The following ADGRV1 variants were observed in gnomAD, a reference collection of about 807,000 sequenced individuals.
ADGRV1 encodes the protein adhesion G protein-coupled receptor V1.
ADGRV1 carries 359 observed loss-of-function variants against 596.2 expected under a neutral mutation model. The observed-to-expected ratio is 0.60, with a 90% CI of 0.55 to 0.66. The LOEUF is 0.66. ADGRV1 is among the 30% of genes least tolerant of loss of function. The pLI is 0.00. For synonymous variants in ADGRV1, 2,681 were observed against 2,679.2 expected (o/e 1.00, Z -0.02); for missense variants, 7,274 against 7,575.6 (o/e 0.96, Z 1.48).
intron 83 of ADGRV1, among the ~76,000 whole-genome samples, chr5:90,925,865 C>CT (rs1413446582): frequency 7.8e-6 from 1 of 127,794 alleles, no homozygotes; most frequent in Non-Finnish European, 1.7e-5. Context: ...TTGTCAAAGG[C>CT]TTTTTCTGCA....
In ADGRV1 at chr5:90,614,882, A is replaced by G. The variant is rs1763168497; in HGVS notation, c.70A>G (p.Ile24Val). 1 of 1,610,744 alleles carries G rather than the reference A, an allele frequency of 6.2e-7. No homozygotes were observed. ...LLVNLLSALL[I>V]LFVFGETEIR... ...AGTAAATCTTCTTTCAGCTTTACTC[A>G]TCCTATTTGTGTTTGGAGAAACAGA... Residue 24 changes from isoleucine to valine, a missense_variant, in exon 2 of 90, where the codon ATC becomes GTC. By Grantham distance (29) the Ile-to-Val change is conservative. Coordinates refer to ENST00000405460, the MANE Select transcript of ADGRV1 (RefSeq NM_032119.4).
At chr5:90,590,554 G>T (rs1217914383) in intron 1 of ADGRV1, among the ~76,000 whole-genome samples, 9 of 152,152 alleles carry the variant, frequency 5.9e-5, no homozygotes, top group Admixed American at 3.9e-4. Context: ...AGAGGACTGG[G>T]CAGAAACTTC....
At chr5:90,743,573 G>A (rs10452480) in intron 50 of ADGRV1, among the ~76,000 whole-genome samples, 5,102 of 149,520 alleles carry the variant, frequency 0.034, 307 homozygotes, top group African/African-American at 0.12. Flanking sequence ...CTGGGTTCAC[G>A]CCATTCTCCT....
At chr5:90,948,180 G>A (rs913679658) in intron 83 of ADGRV1, among the ~76,000 whole-genome samples, 1 of 152,104 alleles carries the variant, frequency 6.6e-6, no homozygotes, top group Admixed American at 6.6e-5. Context: ...TATTCTGTTA[G>A]TTACTAGGTG....
At chr5:91,113,983 C>G (rs1424764036) in intron 87 of ADGRV1, among the ~76,000 whole-genome samples, 2 of 152,044 alleles carry the variant, frequency 1.3e-5, no homozygotes, top group African/African-American at 4.8e-5. Context: ...CTTTGGGAAG[C>G]CAAGGCAGGC....
chr5:90,810,566 A>T lies in ADGRV1; in HGVS notation c.15306A>T (p.Leu5102Phe), dbSNP rs762179444. The T allele has an allele frequency of 6.2e-7, 1 of 1,613,956 alleles. No homozygotes were observed. Residue 5102 changes from leucine to phenylalanine, a missense_variant, in exon 74 of 90, where the codon TTA becomes TTT. Around this residue, in one of 5 missense-constraint regions of ADGRV1, gnomAD observed 1,874 missense variants for 1,970.2 expected, o/e 0.95. Transcript: ENST00000405460. ...INLTSVEIRG[L>F]QKFDVNWSPR... ...TTACTTCAGTAGAAATTAGGGGATT[A>T]CAAAAGTTTGATGTTAATTGGAGCC...
Position 90,851,134 on chromosome 5 carries a change from T to A in ADGRV1, c.17205-2150T>A, listed in dbSNP as rs3099904. ...GTGTGTGTGTGTGTGTGTGTGTGTG[T>A]GAGAGAGAGAGAGAGAGAGAGAGAG... On this transcript the variant is annotated intron_variant, in intron 79 of 89. Transcript: ENST00000405460. 4.8e-4 allele frequency among the ~76,000 whole-genome samples: 39 copies of A among 81,510 alleles called. 1 individual carries two copies. Among genetic ancestry groups the A allele is most frequent in the African/African-American group, 9.5e-4 (26 of 27,282 alleles). 53.5% of individuals were successfully genotyped at this position (81,510 alleles called of 152,430 possible). A position where few individuals can be genotyped will look rare whatever the true frequency, so the allele number is the denominator to read the frequency against.
intron 83 of ADGRV1, among the ~76,000 whole-genome samples, chr5:90,865,748 A>ATCTCC (rs1768030827): frequency 6.6e-6 from 1 of 152,116 alleles, no homozygotes; most frequent in Admixed American, 6.6e-5. Flanking sequence ...AAGAATAGTT[A>ATCTCC]TCTCCCTTAA....
At chr5:91,005,947 G>A (rs16869333) in intron 85 of ADGRV1, among the ~76,000 whole-genome samples, 21,036 of 151,950 alleles carry the variant, frequency 0.14, 1,967 homozygotes, top group African/African-American at 0.24. Context: ...AAAAAATCCA[G>A]ACTCTTCTAC....
chr5:90,764,378 C>A (rs923945995), intron 59 of ADGRV1, among the ~76,000 whole-genome samples: 1 of 152,174 alleles, frequency 6.6e-6, no homozygotes, highest in Non-Finnish European at 1.5e-5. Context: ...TTCCTGTAAG[C>A]CCAAGTGGCA....
chr5:91,041,713 T>C (rs1438034057), intron 85 of ADGRV1, among the ~76,000 whole-genome samples: 2 of 151,906 alleles, frequency 1.3e-5, no homozygotes, highest in Non-Finnish European at 1.5e-5. Flanking sequence ...AACCAAAACC[T>C]ACTTGAAAGA....
rs530202316 is a variant in ADGRV1 at position 91,130,639 on chromosome 5, A to T, written c.18433-19391A>T. Among the ~76,000 whole-genome samples, 29 of 151,174 alleles carry T rather than the reference A, an allele frequency of 1.9e-4. 1 individual carries two copies. In the South Asian group the frequency reaches 5.8e-3, roughly 30 times the overall value. On this transcript the variant is annotated intron_variant, in intron 87 of 89. Transcript: ENST00000405460. ...GAATGACAGACTCTTTTCATTTTTT[A>T]AATTTTAGATTCAGTGGGTACATGT...
At chr5:91,043,978 T>C (rs958235854) in intron 85 of ADGRV1, among the ~76,000 whole-genome samples, 1 of 152,072 alleles carries the variant, frequency 6.6e-6, no homozygotes, top group Admixed American at 6.6e-5. Flanking sequence ...CTGAGTGAGG[T>C]CTTTTGTATA....
At chr5:90,865,757 A>G (rs891526357) in intron 83 of ADGRV1, among the ~76,000 whole-genome samples, 1 of 152,240 alleles carries the variant, frequency 6.6e-6, no homozygotes, top group Middle Eastern at 3.4e-3. Context: ...TATCTCCCTT[A>G]AAACCTTTTA....
intron 85 of ADGRV1, among the ~76,000 whole-genome samples, chr5:91,055,434 C>T (rs1488973101): frequency 6.6e-6 from 1 of 152,146 alleles, no homozygotes; most frequent in East Asian, 1.9e-4. Flanking sequence ...GACTCCTTAT[C>T]ACATGCTAGG....
intron 67 of ADGRV1, among the ~76,000 whole-genome samples, chr5:90,786,885 C>T (rs770627587): frequency 1.1e-4 from 16 of 152,086 alleles, no homozygotes; most frequent in East Asian, 3.9e-4. Flanking sequence ...GGGCAGCATG[C>T]GACTGTGTGT....
chr5:90,905,685 A>G (rs1772255802), intron 83 of ADGRV1, among the ~76,000 whole-genome samples: 1 of 152,028 alleles, frequency 6.6e-6, no homozygotes. Flanking sequence ...AACAAGGATA[A>G]TTTGACTTCT....
At chr5:90,664,213 A>G (rs1421468028) in intron 21 of ADGRV1, among the ~76,000 whole-genome samples, 2 of 145,774 alleles carry the variant, frequency 1.4e-5, no homozygotes, top group Non-Finnish European at 3.0e-5. Flanking sequence ...CAGTATGGCC[A>G]TTTTCACGAT....
At chr5:91,041,638 A>T (rs1167644820) in intron 85 of ADGRV1, among the ~76,000 whole-genome samples, 1 of 147,404 alleles carries the variant, frequency 6.8e-6, no homozygotes, top group East Asian at 2.0e-4. Context: ...AGTATAATTA[A>T]AAAAAAAAAA....
Sources: gnomAD v4.1 joint callset for allele counts (sites outside exome capture counted in the v4.1 genomes callset) on GRCh38, gnomAD v4.1.1 for gene constraint, gnomAD v4.1.1 regional missense constraint, MANE v1.5 for transcripts, NCBI Gene and HGNC (gene_info 2026-07-23, HGNC 2026-07-21) for gene names.